PANX2: variants seen among roughly 807,000 people sequenced by gnomAD.
PANX2 encodes pannexin 2.
Under a neutral mutation model 38.7 loss-of-function variants are expected in PANX2, and 30 were observed. The observed-to-expected ratio is 0.78, with a 90% CI of 0.58 to 1.05. The LOEUF (loss-of-function observed/expected upper bound fraction) is 1.05, where lower values mean the gene tolerates loss of function less well. PANX2 is among the 50% of genes least tolerant of loss of function. PANX2 has a pLI of 0.00. For synonymous variants in PANX2, 539 were observed against 472.1 expected (o/e 1.14, Z -1.84); for missense variants, 880 against 979.3 (o/e 0.90, Z 1.35).
chr22:50,177,300 C>A lies in PANX2; in HGVS notation c.588C>A (p.Ile196=). ...CGGAGCGCGAGAAGCGCGAGATCAT[C>A]GAGAACGCGGAGAAGGAGAAGAGCC... is the stretch of plus-strand genomic sequence containing the variant. ...GITEREKREI[I]ENAEKEKSPE... The change falls in exon 2 of 3, where the codon ATC becomes ATA. Residue 196 remains isoleucine (I), a synonymous_variant. Transcript: ENST00000395842. The A allele has an allele frequency of 1.2e-6, 2 of 1,611,912 alleles. No individual in the cohort carries two copies. The highest frequency in any genetic ancestry group is 1.7e-6 in the Non-Finnish European group (2 of 1,179,612).
intron 1 of PANX2, among the ~76,000 whole-genome samples, chr22:50,174,708 G>A (rs1448413093): frequency 6.6e-6 from 1 of 152,232 alleles, no homozygotes; most frequent in African/African-American, 2.4e-5. Flanking sequence ...CACTGTCCCT[G>A]GGAAGTCCCA....
rs1017093064 is a variant in PANX2, at chr22:50,178,174, G to C, written c.1462G>C (p.Gly488Arg). 1.3e-5 allele frequency: 20 copies of C among 1,496,376 alleles called. No individual in the cohort carries two copies. The African/African-American group carries it at 2.6e-4, about 19-fold the overall frequency. The allele number at this position is 1,496,376 out of a possible 1,614,324, so 92.7% of individuals were successfully genotyped here. ...DRSAHHYKGG[G>R]GDPGPGPAPA... The stretch of plus-strand genomic sequence containing the variant: ...CTCCGCCCACCACTACAAGGGCGGA[G>C]GGGGCGACCCGGGCCCCGGCCCCGC... Residue 488 changes from glycine to arginine, a missense_variant, in exon 2 of 3, where the codon GGG becomes CGG. Coordinates refer to ENST00000395842, the MANE Select transcript of PANX2 (RefSeq NM_052839.4).
rs114088468 is a variant in PANX2 at position 50,179,224 on chromosome 22, C to T, written c.1981C>T (p.Leu661Phe). The change falls in exon 3 of 3, where the codon CTC (leucine) becomes TTC (phenylalanine). Residue 661 changes from leucine to phenylalanine, a missense_variant. Transcript: ENST00000395842. ...CGCCATCCCTGCCCCACAGCAGATC[C>T]TCATCGCCACCTTCGACGAGCCGAG... ...LIAIPAPQQI[L>F]IATFDEPRTV... 2 of 1,612,744 alleles carry T rather than the reference C, an allele frequency of 1.2e-6. No homozygotes were observed. Among genetic ancestry groups the T allele is most frequent in the Non-Finnish European group, 1.7e-6 (2 of 1,179,898 alleles).
intron 1 of PANX2, chr22:50,175,429 C>T: frequency 1.5e-6 from 2 of 1,297,792 alleles, no homozygotes; most frequent in South Asian, 1.2e-5. Context: ...TTCTCTTCCC[C>T]AGGGTGGACG....
chr22:50,170,806 C>T lies in PANX2; in HGVS notation c.76C>T (p.Leu26=). Reference sequence around the variant, plus strand: ...GGGAGAGAAGCTGCGGGAGCTGATCCTGCCGGGCGCGCAGGACGACAAGGC... The same window carrying T: ...GGGAGAGAAGCTGCGGGAGCTGATCTTGCCGGGCGCGCAGGACGACAAGGC... ...LAGEKLRELI[L]PGAQDDKAGA... is the part of the protein sequence containing the mutation. The change falls in exon 1 of 3, where the codon CTG becomes TTG. Residue 26 remains leucine (L), a synonymous_variant. Transcript: ENST00000395842. 1 of 1,460,834 alleles carries T rather than the reference C, an allele frequency of 6.8e-7. No individual in the cohort carries two copies. Among genetic ancestry groups the T allele is most frequent in the Admixed American group, 2.5e-5 (1 of 40,666 alleles). 90.5% of individuals were successfully genotyped at this position (1,460,834 alleles called of 1,614,324 possible).
chr22:50,177,975 C>T lies in PANX2; in HGVS notation c.1263C>T (p.Pro421=). Residue 421 remains proline, a synonymous_variant, in exon 2 of 3, where the codon CCC becomes CCT. Coordinates refer to ENST00000395842, the MANE Select transcript of PANX2 (RefSeq NM_052839.4). ...PAEPDGAAEP[P]VVKRPRKKMK... ...AGCCCGACGGCGCCGCCGAGCCGCCCGTGGTCAAGCGGCCGCGCAAGAAGA... is the reference window on the plus strand; with the variant it reads ...AGCCCGACGGCGCCGCCGAGCCGCCTGTGGTCAAGCGGCCGCGCAAGAAGA... 1 of 1,535,560 alleles carries T rather than the reference C, an allele frequency of 6.5e-7. No individual in the cohort carries two copies. The highest frequency in any genetic ancestry group is 8.7e-7 in the Non-Finnish European group (1 of 1,145,384).
In PANX2 at chr22:50,170,937, C is replaced by T; in HGVS notation, c.207C>T (p.Val69=). 1 of 1,516,668 alleles carries T rather than the reference C, an allele frequency of 6.6e-7. No homozygotes were observed. The highest frequency in any genetic ancestry group is 8.8e-7 in the Non-Finnish European group (1 of 1,131,246). 94.0% of individuals were successfully genotyped at this position (1,516,668 alleles called of 1,614,324 possible). A position where few individuals can be genotyped will look rare whatever the true frequency, so the allele number is the denominator to read the frequency against. ...TGCCCATCCTGCTGGTCACCCTGGT[C>T]TTCACCAAGAACTTCGCAGGTGAGG... ...VLVPILLVTL[V]FTKNFAEEPI... is the part of the protein sequence containing the mutation. Residue 69 remains valine (V), a synonymous_variant, in exon 1 of 3, where the codon GTC becomes GTT. Coordinates refer to ENST00000395842, the MANE Select transcript of PANX2 (RefSeq NM_052839.4).
In PANX2 at chr22:50,177,312, G is replaced by A; in HGVS notation, c.600G>A (p.Glu200=). The A allele has an allele frequency of 6.2e-7, 1 of 1,611,514 alleles. No homozygotes were observed. The highest frequency in any genetic ancestry group is 1.7e-5 in the Admixed American group (1 of 59,766). ...REKREIIENA[E]KEKSPEQNLF... ...AGCGCGAGATCATCGAGAACGCGGA[G>A]AAGGAGAAGAGCCCGGAGCAGAACC... The change falls in exon 2 of 3, where the codon GAG becomes GAA. Residue 200 remains glutamate, a synonymous_variant. Coordinates refer to ENST00000395842, the MANE Select transcript of PANX2 (RefSeq NM_052839.4).
At position 50,179,476 on chromosome 22, in the gene PANX2, G is replaced by A. The variant is rs1034260876; in HGVS notation, c.*199G>A. ...GAACCCGCCCGGACGGCATCGCCAG[G>A]CACTGGCTGGGGTGGGGAAAGGTGG... is the stretch of plus-strand genomic sequence containing the variant. On this transcript the variant is annotated 3_prime_UTR_variant, in exon 3 of 3. Transcript: ENST00000395842. 66 of 575,374 alleles carry A rather than the reference G, an allele frequency of 1.1e-4. 1 individual carries two copies. The highest frequency in any genetic ancestry group is 9.3e-4 in the Middle Eastern group (2 of 2,152). 35.6% of individuals were successfully genotyped at this position (575,374 alleles called of 1,614,324 possible).
chr22:50,173,513 C>G (rs1408881448), intron 1 of PANX2, among the ~76,000 whole-genome samples: 2 of 152,274 alleles, frequency 1.3e-5, no homozygotes, highest in East Asian at 3.8e-4. Context: ...TCTCAGGATG[C>G]AGTACCCTCG....
At position 50,171,594 on chromosome 22, in the gene PANX2, G is replaced by A. The variant is rs192489068; in HGVS notation, c.226+638G>A. Among the ~76,000 whole-genome samples the A allele has an allele frequency of 2.0e-4, 30 of 152,236 alleles. No homozygotes were observed. The East Asian group carries it at 5.6e-3, about 28-fold the overall frequency. ...GGGGGCTGGACCAGGGCAGGGACCCGCGCTGGTTAGATCAGGACCTGTGGG... is the reference window on the plus strand; with the variant it reads ...GGGGGCTGGACCAGGGCAGGGACCCACGCTGGTTAGATCAGGACCTGTGGG... On this transcript the variant is annotated intron_variant, in intron 1 of 2. Transcript: ENST00000395842.
At chr22:50,178,646 A>C (rs906568316) in intron 2 of PANX2, among the ~76,000 whole-genome samples, 1 of 152,106 alleles carries the variant, frequency 6.6e-6, no homozygotes, top group Non-Finnish European at 1.5e-5. Flanking sequence ...GGTGGGGAAG[A>C]TGCAGGCTGG....
At chr22:50,176,162 A>G (rs948684220) in intron 1 of PANX2, among the ~76,000 whole-genome samples, 1 of 152,258 alleles carries the variant, frequency 6.6e-6, no homozygotes, top group Non-Finnish European at 1.5e-5. Flanking sequence ...ACACTGGGCC[A>G]AGGCGCGAAT....
At chr22:50,176,126 A>G (rs1301430626) in intron 1 of PANX2, among the ~76,000 whole-genome samples, 1 of 152,220 alleles carries the variant, frequency 6.6e-6, no homozygotes, top group Non-Finnish European at 1.5e-5. Flanking sequence ...GGGAAACGTT[A>G]GCAAGATCCC....
At position 50,179,052 on chromosome 22, in the gene PANX2, G is replaced by C; in HGVS notation, c.1809G>C (p.Leu603=). 6.2e-7 allele frequency: 1 copy of C among 1,610,912 alleles called. No homozygotes were observed. Among genetic ancestry groups the C allele is most frequent in the Non-Finnish European group, 8.5e-7 (1 of 1,179,158 alleles). Residue 603 remains leucine, a synonymous_variant, in exon 3 of 3, where the codon CTG becomes CTC. Transcript: ENST00000395842. The part of the protein sequence containing the change: ...SPPAAPAVAP[L]TPASLGKAEP... ...CCGCCGCCCCTGCTGTGGCCCCTCT[G>C]ACACCAGCCAGCCTGGGCAAGGCGG...
intron 1 of PANX2, among the ~76,000 whole-genome samples, chr22:50,176,077 T>G (rs2063659692): frequency 6.6e-6 from 1 of 152,180 alleles, no homozygotes; most frequent in East Asian, 1.9e-4. Flanking sequence ...CTGAAGAGAC[T>G]GCACGGTGGC....
chr22:50,178,182 C>G lies in PANX2; in HGVS notation c.1470C>G (p.Asp490Glu). 6.7e-7 allele frequency: 1 copy of G among 1,483,746 alleles called. No homozygotes were observed. The highest frequency in any genetic ancestry group is 2.6e-5 in the East Asian group (1 of 38,630). 91.9% of individuals were successfully genotyped at this position (1,483,746 alleles called of 1,614,324 possible). The change falls in exon 2 of 3, where the codon GAC becomes GAG. Residue 490 changes from aspartate to glutamate, a missense_variant. Coordinates refer to ENST00000395842, the MANE Select transcript of PANX2 (RefSeq NM_052839.4). Reference protein sequence around the residue: ...SAHHYKGGGGDPGPGPAPAPA... With the variant: ...SAHHYKGGGGEPGPGPAPAPA... ...ACCACTACAAGGGCGGAGGGGGCGA[C>G]CCGGGCCCCGGCCCCGCCCCTGCCC...
At chr22:50,174,232 G>A (rs1443700425) in intron 1 of PANX2, among the ~76,000 whole-genome samples, 4 of 152,172 alleles carry the variant, frequency 2.6e-5, no homozygotes, top group Non-Finnish European at 4.4e-5. Flanking sequence ...AGGGCTGTTG[G>A]GAGGGACCCA....
In PANX2 at chr22:50,170,976, C is replaced by A; in HGVS notation, c.226+20C>A. On this transcript the variant is annotated intron_variant, in intron 1 of 2. Coordinates refer to ENST00000395842, the MANE Select transcript of PANX2 (RefSeq NM_052839.4). The stretch of plus-strand genomic sequence containing the variant: ...TCGCAGGTGAGGCCGGCGGCCGGGG[C>A]GCGGGGCGCGGGCAGAGGGGGCGTC... The A allele has an allele frequency of 2.2e-6, 3 of 1,387,260 alleles. No homozygotes were observed. The highest frequency in any genetic ancestry group is 1.4e-5 in the South Asian group (1 of 73,700). The allele number at this position is 1,387,260 out of a possible 1,614,324, so 85.9% of individuals were successfully genotyped here. A position where few individuals can be genotyped will look rare whatever the true frequency, so the allele number is the denominator to read the frequency against.
Sources: gnomAD v4.1 joint callset for allele counts (sites outside exome capture counted in the v4.1 genomes callset) on GRCh38, gnomAD v4.1.1 for gene constraint, MANE v1.5 for transcripts, NCBI Gene and HGNC (gene_info 2026-07-23, HGNC 2026-07-21) for gene names.